NPSR1: variants seen among roughly 807,000 people sequenced by gnomAD.
NPSR1 encodes neuropeptide S receptor 1.
NPSR1 carries 48 observed loss-of-function variants against 46.9 expected under a neutral mutation model. The observed-to-expected ratio is 1.02, with a 90% CI of 0.81 to 1.30. The LOEUF (loss-of-function observed/expected upper bound fraction) is 1.30, where lower values mean the gene tolerates loss of function less well. Ranked by LOEUF, NPSR1 falls within the 50% of genes most tolerant of loss-of-function variation. The pLI is 0.00. For synonymous variants in NPSR1, 176 were observed against 168.1 expected (o/e 1.05, Z -0.36); for missense variants, 450 against 449.5 (o/e 1.00, Z -0.01).
In NPSR1 at chr7:34,791,145, A is replaced by AT. The variant is rs1562731106; in HGVS notation, c.384+12580_384+12581insT. Among the ~76,000 whole-genome samples, 23 of 73,806 alleles carry AT rather than the reference A, an allele frequency of 3.1e-4. 2 individuals are homozygous for AT. Among genetic ancestry groups the AT allele is most frequent in the East Asian group, 7.0e-4 (2 of 2,850 alleles). The allele number at this position is 73,806 out of a possible 152,430, so 48.4% of individuals were successfully genotyped here. On this transcript the variant is annotated intron_variant, in intron 3 of 8. Transcript: ENST00000360581. ...AATATATATGTTATATATTATATAT[A>AT]ATATGTTATATATTATATATGTTAT...
chr7:34,792,703 A>ATT (rs1207987148), intron 3 of NPSR1, among the ~76,000 whole-genome samples: 1 of 88,574 alleles, frequency 1.1e-5, no homozygotes, highest in Non-Finnish European at 2.4e-5. Flanking sequence ...ATATATACGT[A>ATT]TATATATATA....
At chr7:34,677,941 A>T (rs2609214) in intron 1 of NPSR1, among the ~76,000 whole-genome samples, 19,604 of 152,262 alleles carry the variant, frequency 0.13, 1,342 homozygotes, top group Middle Eastern at 0.17. Flanking sequence ...TCAGTAAGGA[A>T]AACAGTCCTG....
chr7:34,677,667 C>G lies in NPSR1; in HGVS notation c.148-6885C>G, dbSNP rs1312943538. Among the ~76,000 whole-genome samples, 4 of 152,266 alleles carry G rather than the reference C, an allele frequency of 2.6e-5. 1 individual carries two copies. The Middle Eastern group carries it at 0.014, about 518-fold the overall frequency. ...ATTCTGAGGGAGGGGCCAACAGATT[C>G]GTCTGCTCTCTGACAGGAAGTAAAG... On this transcript the variant is annotated intron_variant, in intron 1 of 8. Coordinates refer to ENST00000360581, the MANE Select transcript of NPSR1 (RefSeq NM_207172.2).
intron 1 of NPSR1, among the ~76,000 whole-genome samples, chr7:34,669,295 G>T (rs1791916340): frequency 6.6e-6 from 1 of 152,170 alleles, no homozygotes; most frequent in Non-Finnish European, 1.5e-5. Context: ...GTTTATGGTG[G>T]CTCACGCCTG....
At chr7:34,826,596 G>A (rs34728091) in intron 4 of NPSR1, among the ~76,000 whole-genome samples, 1,613 of 152,234 alleles carry the variant, frequency 0.011, 30 homozygotes, top group African/African-American at 0.037. Context: ...TTGACAGAAA[G>A]CATCACATCA....
intron 2 of NPSR1, among the ~76,000 whole-genome samples, chr7:34,746,299 G>A (rs562939305): frequency 6.6e-6 from 1 of 152,282 alleles, no homozygotes; most frequent in East Asian, 1.9e-4. Flanking sequence ...CATGGTTTCA[G>A]TTAATAGTGC....
chr7:34,854,005 G>A (rs922049543), downstream of NPSR1, among the ~76,000 whole-genome samples: 3 of 151,508 alleles, frequency 2.0e-5, no homozygotes, highest in South Asian at 2.1e-4. Flanking sequence ...ACATTATTAC[G>A]CACAACAATA....
intron 2 of NPSR1, among the ~76,000 whole-genome samples, chr7:34,713,926 T>C (rs913260431): frequency 2.0e-5 from 3 of 152,264 alleles, no homozygotes; most frequent in African/African-American, 7.2e-5. Flanking sequence ...GTTCTGGTTA[T>C]TGATTGCTGT....
intron 2 of NPSR1, among the ~76,000 whole-genome samples, chr7:34,777,005 C>A (rs1483948200): frequency 6.6e-6 from 1 of 152,150 alleles, no homozygotes; most frequent in Non-Finnish European, 1.5e-5. Flanking sequence ...AAGAAAGAGA[C>A]CTCTTTTGGA....
At chr7:34,840,983 G>T (rs903855643) in intron 6 of NPSR1, among the ~76,000 whole-genome samples, 2 of 152,182 alleles carry the variant, frequency 1.3e-5, no homozygotes, top group Non-Finnish European at 2.9e-5. Context: ...AGTTCAGGGG[G>T]TATTCAAGCT....
At chr7:34,658,927 T>G (rs35774479) in intron 1 of NPSR1, among the ~76,000 whole-genome samples, 1,529 of 152,312 alleles carry the variant, frequency 0.01, 43 homozygotes, top group African/African-American at 0.036. Flanking sequence ...TATGAGTTTT[T>G]TGCTAGGAAC....
At chr7:34,850,494 G>A (rs1446156721), downstream of NPSR1, among the ~76,000 whole-genome samples, 10 of 147,988 alleles carry the variant, frequency 6.8e-5, no homozygotes, top group Admixed American at 1.4e-4. Context: ...TCCACCTCCC[G>A]GGTTCATGCC....
chr7:34,683,087 C>A (rs191189682), intron 1 of NPSR1, among the ~76,000 whole-genome samples: 35 of 152,172 alleles, frequency 2.3e-4, no homozygotes, highest in African/African-American at 8.4e-4. Flanking sequence ...ATCTGTAAAT[C>A]CAGGATGGAG....
At chr7:34,763,523 A>AT (rs1053914058) in intron 2 of NPSR1, among the ~76,000 whole-genome samples, 1 of 152,192 alleles carries the variant, frequency 6.6e-6, no homozygotes, top group African/African-American at 2.4e-5. Context: ...ATACAAAAAA[A>AT]AATAATGTGT....
chr7:34,694,243 A>G (rs1793404417), intron 2 of NPSR1, among the ~76,000 whole-genome samples: 1 of 152,210 alleles, frequency 6.6e-6, no homozygotes, highest in South Asian at 2.1e-4. Flanking sequence ...ACATGACTGT[A>G]TACTTAGAAA....
intron 3 of NPSR1, among the ~76,000 whole-genome samples, chr7:34,779,077 C>T (rs1787113603): frequency 6.6e-6 from 1 of 151,970 alleles, no homozygotes; most frequent in African/African-American, 2.4e-5. Context: ...GATTTTATAA[C>T]TGAGAGACTT....
At chr7:34,721,744 C>T (rs368598192) in intron 2 of NPSR1, among the ~76,000 whole-genome samples, 2 of 152,024 alleles carry the variant, frequency 1.3e-5, no homozygotes, top group African/African-American at 4.8e-5. Context: ...TTTCATATGC[C>T]GCCGAATTTA....
At chr7:34,729,885 G>A (rs1352221307) in intron 2 of NPSR1, among the ~76,000 whole-genome samples, 1 of 152,104 alleles carries the variant, frequency 6.6e-6, no homozygotes, top group Non-Finnish European at 1.5e-5. Flanking sequence ...TGATTCTTCT[G>A]CCTCAGACTC....
chr7:34,699,938 C>T (rs1583835249), intron 2 of NPSR1, among the ~76,000 whole-genome samples: 1 of 152,138 alleles, frequency 6.6e-6, no homozygotes, highest in Non-Finnish European at 1.5e-5. Flanking sequence ...GCTTTTAGCA[C>T]AGCCCCTCTT....
Sources: gnomAD v4.1 joint callset for allele counts (sites outside exome capture counted in the v4.1 genomes callset) on GRCh38, gnomAD v4.1.1 for gene constraint, MANE v1.5 for transcripts, NCBI Gene and HGNC (gene_info 2026-07-23, HGNC 2026-07-21) for gene names.